The following NRG1 variants were observed in gnomAD, a reference collection of about 807,000 sequenced individuals.
The protein encoded by NRG1 is neuregulin 1.
In NRG1, 18 loss-of-function variants were observed where a neutral mutation model predicts 63.8. The ratio of observed to expected loss-of-function variants is 0.28; its 90% CI spans 0.19 to 0.42. The LOEUF is 0.42. Ranked by LOEUF, NRG1 falls within the 10% of genes least tolerant of loss-of-function variation. The pLI, the probability that NRG1 is intolerant of heterozygous loss-of-function variation, is 1.00. For synonymous variants in NRG1, 302 were observed against 301.3 expected, an observed-to-expected ratio of 1.00 and a Z score of -0.02; for missense variants, 762 against 814.7, an observed-to-expected ratio of 0.94 and a Z score of 0.79.
intron 5 of NRG1, among the ~76,000 whole-genome samples, chr8:32,658,296 T>G (rs1802007888): frequency 6.6e-6 from 1 of 152,228 alleles, no homozygotes. Context: ...TGAAACTTTT[T>G]TATCTATTTT....
intron 1 of NRG1, among the ~76,000 whole-genome samples, chr8:31,966,322 T>G (rs1806324549): frequency 6.6e-6 from 1 of 152,234 alleles, no homozygotes; most frequent in South Asian, 2.1e-4. Flanking sequence ...CTCCTAGACT[T>G]GCTTTTGCAT....
intron 5 of NRG1, among the ~76,000 whole-genome samples, chr8:32,686,120 C>T (rs1810043696): frequency 6.6e-6 from 1 of 152,182 alleles, no homozygotes; most frequent in Admixed American, 6.5e-5. Context: ...TATTAAACCT[C>T]ATTAGTTTTT....
chr8:32,474,788 G>A (rs190845901), intron 1 of NRG1, among the ~76,000 whole-genome samples: 5 of 152,250 alleles, frequency 3.3e-5, no homozygotes, highest in African/African-American at 1.2e-4. Context: ...ACAGGCGTGA[G>A]CCACTGTGCC....
intron 1 of NRG1, among the ~76,000 whole-genome samples, chr8:32,472,309 A>G (rs1246509532): frequency 6.6e-6 from 1 of 152,124 alleles, no homozygotes; most frequent in Non-Finnish European, 1.5e-5. Flanking sequence ...AGCTGGGATT[A>G]CAGACACCCG....
chr8:32,561,808 T>G (rs576923503), intron 1 of NRG1, among the ~76,000 whole-genome samples: 2 of 151,524 alleles, frequency 1.3e-5, no homozygotes, highest in African/African-American at 4.8e-5. Flanking sequence ...AGTAGTTCAG[T>G]TTGCATTAGG....
At position 31,911,086 on chromosome 8, in the gene NRG1, G is replaced by A. The variant is rs115735490; in HGVS notation, c.37+271655G>A. ...AGCCATGAAAACAAAAGTGCAGCAC[G>A]TGAGCCCCAGCTGTGCTCCTACCTC... On this transcript the variant is annotated intron_variant, in intron 1 of 10. Coordinates refer to the NRG1 transcript ENST00000519301. Among the ~76,000 whole-genome samples, 1,353 of 152,226 alleles carry A rather than the reference G, an allele frequency of 8.9e-3. 21 individuals are homozygous for A. Among genetic ancestry groups the A allele is most frequent in the African/African-American group, 0.031 (1,277 of 41,520 alleles).
At chr8:32,254,201 C>A (rs548676490) in intron 1 of NRG1, among the ~76,000 whole-genome samples, 130 of 152,192 alleles carry the variant, frequency 8.5e-4, no homozygotes, top group Non-Finnish European at 1.7e-3. Flanking sequence ...CCGTTCTGCT[C>A]TGTTCTTAGT....
At chr8:32,748,139 A>T (rs1827845919) in intron 7 of NRG1, among the ~76,000 whole-genome samples, 1 of 152,010 alleles carries the variant, frequency 6.6e-6, no homozygotes. Flanking sequence ...CCATGCCCAA[A>T]TGCAAGTTTT....
At chr8:32,205,935 CAAAA>C (rs5890627) in intron 1 of NRG1, among the ~76,000 whole-genome samples, 5 of 131,822 alleles carry the variant, frequency 3.8e-5, no homozygotes, top group Admixed American at 7.4e-5. Context: ...CATCTCTCTA[CAAAA>C]AAAAAAAAAA....
intron 1 of NRG1, among the ~76,000 whole-genome samples, chr8:31,788,561 GA>G (rs1355467967): frequency 6.6e-6 from 1 of 152,096 alleles, no homozygotes; most frequent in Non-Finnish European, 1.5e-5. Context: ...GAGTTCTTAA[GA>G]CTATTAGCAC....
At chr8:32,548,184 G>C (rs1424265125), upstream of NRG1, 1 of 972,438 alleles carries the variant, frequency 1.0e-6, no homozygotes, top group Non-Finnish European at 1.2e-6. Flanking sequence ...TCGGGGTGGG[G>C]GTGTGGTGGG....
intron 1 of NRG1, among the ~76,000 whole-genome samples, chr8:32,245,218 G>C (rs374868575): frequency 6.6e-6 from 1 of 152,294 alleles, no homozygotes; most frequent in South Asian, 2.1e-4. Flanking sequence ...CTGGAGAAAA[G>C]AGCTAGCTGC....
chr8:32,412,702 G>A (rs1815280097), intron 1 of NRG1, among the ~76,000 whole-genome samples: 1 of 151,672 alleles, frequency 6.6e-6, no homozygotes, highest in Non-Finnish European at 1.5e-5. Flanking sequence ...CTAGAAACCT[G>A]TACAGCATAT....
At chr8:31,748,697 A>G (rs180776941) in intron 1 of NRG1, among the ~76,000 whole-genome samples, 3 of 152,006 alleles carry the variant, frequency 2.0e-5, no homozygotes, top group East Asian at 1.9e-4. Context: ...ATTTTGTAAT[A>G]GGTTGAAGTA....
rs866381168 is a variant in NRG1, at chr8:32,280,714, T to C, written c.38-315114T>C. Among the ~76,000 whole-genome samples, 587 of 126,164 alleles carry C rather than the reference T, an allele frequency of 4.7e-3. 4 individuals carry two copies. Among genetic ancestry groups the C allele is most frequent in the Non-Finnish European group, 7.7e-3 (468 of 60,466 alleles). 82.8% of individuals were successfully genotyped at this position (126,164 alleles called of 152,430 possible). ...TTGTTTTTTTTTTTTTTTTTTTTTT[T>C]CAGATAAACCATGAATCACATTTTA... is the stretch of plus-strand genomic sequence containing the variant. On this transcript the variant is annotated intron_variant, in intron 1 of 10. Transcript: ENST00000519301.
chr8:32,651,483 T>G (rs2129547543), intron 5 of NRG1, among the ~76,000 whole-genome samples: 1 of 152,220 alleles, frequency 6.6e-6, no homozygotes, highest in South Asian at 2.1e-4. Flanking sequence ...GATTGCAAAC[T>G]TAGATTATCA....
At chr8:31,797,302 A>G (rs1451530970) in intron 1 of NRG1, among the ~76,000 whole-genome samples, 3 of 152,202 alleles carry the variant, frequency 2.0e-5, no homozygotes, top group Non-Finnish European at 4.4e-5. Context: ...CATGGACCAA[A>G]TTTGGAGTTA....
At chr8:32,212,667 C>T (rs1476177255) in intron 1 of NRG1, among the ~76,000 whole-genome samples, 1 of 152,076 alleles carries the variant, frequency 6.6e-6, no homozygotes, top group Non-Finnish European at 1.5e-5. Flanking sequence ...TTCCTTGAGT[C>T]ATCAAGAAGA....
At chr8:31,921,924 A>C (rs1275253974) in intron 1 of NRG1, among the ~76,000 whole-genome samples, 1 of 152,068 alleles carries the variant, frequency 6.6e-6, no homozygotes, top group African/African-American at 2.4e-5. Flanking sequence ...TTAATTTAAA[A>C]AATTTTTTTA....
Sources: gnomAD v4.1 joint callset for allele counts (sites outside exome capture counted in the v4.1 genomes callset) on GRCh38, gnomAD v4.1.1 for gene constraint, MANE v1.5 for transcripts, NCBI Gene and HGNC (gene_info 2026-07-23, HGNC 2026-07-21) for gene names.